The following SAMD3 variants were observed in gnomAD, a reference collection of about 807,000 sequenced individuals.
The protein encoded by SAMD3 is sterile alpha motif domain-containing protein 3.
A neutral mutation model predicts 58.5 loss-of-function variants in SAMD3; 63 were observed. The ratio of observed to expected loss-of-function variants is 1.08; its 90% CI spans 0.88 to 1.33. The LOEUF is 1.33. SAMD3 is among the 40% of genes most tolerant of loss of function. SAMD3 has a pLI of 0.00. For missense variants in SAMD3, 604 were observed against 608.4 expected (o/e 0.99, Z 0.08); for synonymous variants, 220 against 210.3 (o/e 1.05, Z -0.40).
At chr6:130,152,889 A>G (rs547963622) in intron 9 of SAMD3, among the ~76,000 whole-genome samples, 1 of 152,270 alleles carries the variant, frequency 6.6e-6, no homozygotes, top group East Asian at 1.9e-4. Context: ...CACATAAGCT[A>G]TGACAGACCT....
intron 6 of SAMD3, 37 bp from the exon 7 acceptor site, chr6:130,184,224 A>G (rs1326750411): frequency 6.6e-7 from 1 of 1,516,110 alleles, no homozygotes; most frequent in Admixed American, 1.8e-5. Context: ...TTTCACTTCA[A>G]GCAAACCACA....
At chr6:130,330,879 G>C (rs745976988) in intron 1 of SAMD3, among the ~76,000 whole-genome samples, 2 of 152,152 alleles carry the variant, frequency 1.3e-5, no homozygotes, top group Non-Finnish European at 2.9e-5. Flanking sequence ...ACATTCCTCT[G>C]TGCTCATTTA....
At chr6:130,259,621 A>G (rs1349644473) in intron 2 of SAMD3, among the ~76,000 whole-genome samples, 1 of 152,194 alleles carries the variant, frequency 6.6e-6, no homozygotes, top group South Asian at 2.1e-4. Flanking sequence ...CAGGCCCTTT[A>G]CCATTGTCTC....
intron 1 of SAMD3, among the ~76,000 whole-genome samples, chr6:130,361,939 A>C (rs1778000420): frequency 6.6e-6 from 1 of 152,226 alleles, no homozygotes; most frequent in Non-Finnish European, 1.5e-5. Context: ...TTATGTGGAC[A>C]TGTTAAAATT....
chr6:130,344,987 C>T (rs1211215594), intron 1 of SAMD3, among the ~76,000 whole-genome samples: 1 of 151,634 alleles, frequency 6.6e-6, no homozygotes, highest in African/African-American at 2.4e-5. Flanking sequence ...TATCACAGTA[C>T]ACAAATGGAG....
At chr6:130,296,337 G>C (rs992200632) in intron 2 of SAMD3, among the ~76,000 whole-genome samples, 2 of 152,158 alleles carry the variant, frequency 1.3e-5, no homozygotes, top group Non-Finnish European at 2.9e-5. Flanking sequence ...CAAGAGTCTG[G>C]TAAAGGTCAA....
chr6:130,179,485 G>A (rs954016607), intron 7 of SAMD3, among the ~76,000 whole-genome samples: 2 of 151,724 alleles, frequency 1.3e-5, no homozygotes, highest in Non-Finnish European at 2.9e-5. Flanking sequence ...ACAGCATCAC[G>A]AGCAGATCTT....
Position 130,360,650 on chromosome 6 carries a change from T to C in SAMD3, c.-304+4470A>G, listed in dbSNP as rs1308120239. ...ATGAAGTTTCGGGCACCATTGTCAT[T>C]GATAACATCTTATCAGGAGACAGGG... On this transcript the variant is annotated intron_variant, in intron 1 of 13. Coordinates refer to the SAMD3 transcript ENST00000368134. Among the ~76,000 whole-genome samples the C allele has an allele frequency of 2.6e-5, 4 of 152,206 alleles. No homozygotes were observed. In the South Asian group the frequency reaches 6.2e-4, roughly 24 times the overall value.
chr6:130,264,276 T>C (rs6932329), intron 2 of SAMD3, among the ~76,000 whole-genome samples: 74,765 of 152,008 alleles, frequency 0.49, 22,338 homozygotes, highest in African/African-American at 0.85. Flanking sequence ...GCGGTTCAGC[T>C]GCCAAAGGCC....
chr6:130,143,469 C>G (rs1300064207), downstream of SAMD3, among the ~76,000 whole-genome samples: 4 of 152,112 alleles, frequency 2.6e-5, no homozygotes, highest in East Asian at 7.7e-4. Flanking sequence ...GTCTCGAACT[C>G]CTGACCTCAG....
chr6:130,239,899 C>T (rs1773296352), intron 2 of SAMD3, among the ~76,000 whole-genome samples: 1 of 152,340 alleles, frequency 6.6e-6, no homozygotes, highest in East Asian at 1.9e-4. Flanking sequence ...GAGACCAGGG[C>T]TCCCTATTCT....
At chr6:130,262,156 C>T (rs1774164541) in intron 2 of SAMD3, among the ~76,000 whole-genome samples, 1 of 152,038 alleles carries the variant, frequency 6.6e-6, no homozygotes. Context: ...AAGCCTATAA[C>T]ACTCCAATAC....
chr6:130,257,903 T>C (rs541095481), intron 2 of SAMD3, among the ~76,000 whole-genome samples: 2 of 152,264 alleles, frequency 1.3e-5, no homozygotes, highest in African/African-American at 4.8e-5. Context: ...GTTTTGTCTC[T>C]TCTTAAGGCA....
intron 1 of SAMD3, among the ~76,000 whole-genome samples, chr6:130,339,071 G>A (rs1777186488): frequency 1.3e-5 from 2 of 151,996 alleles, no homozygotes; most frequent in Admixed American, 6.6e-5. Context: ...TTTTGAGATG[G>A]AGTCTCCCTT....
intron 1 of SAMD3, among the ~76,000 whole-genome samples, chr6:130,353,082 C>T (rs1777728424): frequency 6.6e-6 from 1 of 152,318 alleles, no homozygotes; most frequent in East Asian, 1.9e-4. Flanking sequence ...ATGCTATACT[C>T]ACTACCAGTT....
chr6:130,320,076 A>G (rs1776534805), intron 1 of SAMD3, among the ~76,000 whole-genome samples: 1 of 152,160 alleles, frequency 6.6e-6, no homozygotes, highest in Admixed American at 6.6e-5. Flanking sequence ...AAACTATTCA[A>G]TCCATCCAAA....
chr6:130,208,050 A>G (rs919356590), intron 5 of SAMD3, among the ~76,000 whole-genome samples: 7 of 152,216 alleles, frequency 4.6e-5, no homozygotes, highest in Admixed American at 4.6e-4. Context: ...GTCCACTTGG[A>G]AAAAATAGCT....
At chr6:130,299,085 T>G (rs573410505) in intron 2 of SAMD3, among the ~76,000 whole-genome samples, 32 of 152,276 alleles carry the variant, frequency 2.1e-4, no homozygotes, top group African/African-American at 7.2e-4. Flanking sequence ...AACTCTGGAC[T>G]TAAATTGGAC....
chr6:130,277,885 T>G (rs944226073), intron 2 of SAMD3, among the ~76,000 whole-genome samples: 19 of 152,210 alleles, frequency 1.2e-4, no homozygotes, highest in African/African-American at 4.3e-4. Flanking sequence ...ACTTAGCTTA[T>G]AGTTTATAGT....
Sources: gnomAD v4.1 joint callset for allele counts (sites outside exome capture counted in the v4.1 genomes callset) on GRCh38, gnomAD v4.1.1 for gene constraint, MANE v1.5 for transcripts, NCBI Gene and HGNC (gene_info 2026-07-23, HGNC 2026-07-21) for gene names.